Variants in SIRPA observed in about 807,000 individuals in gnomAD.
SIRPA encodes the protein signal regulatory protein alpha.
SIRPA carries 9 observed loss-of-function variants against 50.3 expected under a neutral mutation model. The ratio of observed to expected loss-of-function variants is 0.18; its 90% confidence interval spans 0.11 to 0.31. The LOEUF (loss-of-function observed/expected upper bound fraction) is 0.31. SIRPA is among the 10% of genes least tolerant of loss of function. SIRPA has a pLI of 1.00. For missense variants in SIRPA, 474 were observed against 661.6 expected (o/e 0.72, Z 3.11); for synonymous variants, 265 against 284.1 (o/e 0.93, Z 0.68).
chr20:1,931,936 T>C (rs1986320604), intron 6 of SIRPA, among the ~76,000 whole-genome samples: 1 of 152,226 alleles, frequency 6.6e-6, no homozygotes, highest in Non-Finnish European at 1.5e-5. Context: ...TCCCTGAGTC[T>C]TTCATTTATT....
Position 1,922,655 on chromosome 20 carries a change from C to G in SIRPA, c.1087+10C>G. ...TCAAATACCGCCGCTGGTGAGGCCT[C>G]TATTTCAGCTGACCCAGCTTTTTTA... On this transcript the variant is annotated intron_variant, in intron 4 of 7. Transcript: ENST00000358771. 2.5e-6 allele frequency: 4 copies of G among 1,602,466 alleles called. No individual in the cohort carries two copies. The highest frequency in any genetic ancestry group is 3.4e-6 in the Non-Finnish European group (4 of 1,174,518).
rs1043347696 is a variant in SIRPA, at chr20:1,927,146, G to A, written c.1202-729G>A. Among the ~76,000 whole-genome samples the A allele has an allele frequency of 7.2e-5, 11 of 152,232 alleles. No homozygotes were observed. On this transcript the variant is annotated intron_variant, in intron 5 of 7. Transcript: ENST00000358771. This position sits in a 1 kb window ranked among gnomAD's most constrained non-coding sequence, Gnocchi z 6.5. ...CCAGCAGCAAGAATTCTTGCACTGT[G>A]GCAGCCTCCAGCCTATTAAAGTGCG...
Position 1,924,672 on chromosome 20 carries a change from A to C in SIRPA, c.1088-92A>C. On this transcript the variant is annotated intron_variant, in intron 4 of 7. Coordinates refer to ENST00000358771, the MANE Select transcript of SIRPA (RefSeq NM_001040023.2). The surrounding 1 kb of genome is among the most constrained non-coding windows in gnomAD (Gnocchi z 4.5). ...AGGTCCAGCCAGATGTTCTCAGTTA[A>C]TGATGCCTGCTTAGTGGTGAAAAGC... 9.8e-7 allele frequency: 1 copy of C among 1,018,382 alleles called. No individual in the cohort carries two copies. Among genetic ancestry groups the C allele is most frequent in the East Asian group, 2.5e-5 (1 of 40,678 alleles). 63.1% of individuals were successfully genotyped at this position (1,018,382 alleles called of 1,614,324 possible).
intron 2 of SIRPA, among the ~76,000 whole-genome samples, chr20:1,917,043 C>T (rs114421221): frequency 3.2e-3 from 486 of 152,276 alleles, no homozygotes; most frequent in African/African-American, 0.011. Flanking sequence ...ACAGCAAATA[C>T]GTGGCTCAGG....
At chr20:1,906,687 A>G (rs1391184815) in intron 1 of SIRPA, among the ~76,000 whole-genome samples, 1 of 152,106 alleles carries the variant, frequency 6.6e-6, no homozygotes, top group Non-Finnish European at 1.5e-5. Context: ...TTTTGCACAA[A>G]GGAGGAACGT....
chr20:1,939,675 A>T lies in SIRPA; in HGVS notation c.*2107A>T, dbSNP rs978229424. 2 of 152,588 alleles carry T rather than the reference A, an allele frequency of 1.3e-5. No individual in the cohort carries two copies. Among genetic ancestry groups the T allele is most frequent in the African/African-American group, 4.8e-5 (2 of 41,454 alleles). The allele number at this position is 152,588 out of a possible 1,614,324, so 9.5% of individuals were successfully genotyped here. ...GGGAATAAGGCCAAGGAAGATGTAT[A>T]GCTTTAGCTTTAGCCTGGCAACCTG... On this transcript the variant is annotated 3_prime_UTR_variant, in exon 8 of 8. Coordinates refer to ENST00000358771, the MANE Select transcript of SIRPA (RefSeq NM_001040023.2). This position sits in a 1 kb window ranked among gnomAD's most constrained non-coding sequence, Gnocchi z 4.7.
At chr20:1,918,616 A>G (rs955317418) in intron 2 of SIRPA, among the ~76,000 whole-genome samples, 4 of 151,950 alleles carry the variant, frequency 2.6e-5, no homozygotes, top group African/African-American at 9.7e-5. Flanking sequence ...CAACCTTTCC[A>G]GGATGTTATG....
At chr20:1,923,526 G>A (rs1180034880) in intron 4 of SIRPA, among the ~76,000 whole-genome samples, 1 of 152,232 alleles carries the variant, frequency 6.6e-6, no homozygotes, top group African/African-American at 2.4e-5. Context: ...GATGTGTAGG[G>A]CATCGGCCAA....
Position 1,932,539 on chromosome 20 carries a change from G to A in SIRPA, c.1227-2176G>A, listed in dbSNP as rs1986352379. Among the ~76,000 whole-genome samples, 2 of 152,346 alleles carry A rather than the reference G, an allele frequency of 1.3e-5. No homozygotes were observed. The highest frequency in any genetic ancestry group is 6.5e-5 in the Admixed American group (1 of 15,300). ...GGGATGGAGCCTAGAGCAGTTGGCC[G>A]AGCTGAGCCTTGGAGCTGGTGTCAC... On this transcript the variant is annotated intron_variant, in intron 6 of 7. Transcript: ENST00000358771. This position sits in a 1 kb window ranked among gnomAD's most constrained non-coding sequence, Gnocchi z 6.0.
intron 1 of SIRPA, among the ~76,000 whole-genome samples, chr20:1,908,645 C>T (rs148346933): frequency 2.6e-3 from 394 of 152,306 alleles, no homozygotes; most frequent in African/African-American, 9.1e-3. Context: ...TACACGCATA[C>T]ATGTATGTAC....
chr20:1,900,827 T>C (rs2122977782), intron 1 of SIRPA, among the ~76,000 whole-genome samples: 1 of 152,366 alleles, frequency 6.6e-6, no homozygotes, highest in South Asian at 2.1e-4. Flanking sequence ...ATCTGGGTTC[T>C]CTGCTTCCTG....
chr20:1,899,153 C>A (rs1481111481), intron 1 of SIRPA, among the ~76,000 whole-genome samples: 1 of 151,814 alleles, frequency 6.6e-6, no homozygotes, highest in East Asian at 1.9e-4. Flanking sequence ...CAACACAACT[C>A]AGATCATGTC....
Position 1,937,491 on chromosome 20 carries a change from C to A in SIRPA, c.1438C>A (p.Arg480=). The A allele has an allele frequency of 6.2e-7, 1 of 1,614,128 alleles. No homozygotes were observed. Among genetic ancestry groups the A allele is most frequent in the Non-Finnish European group, 8.5e-7 (1 of 1,180,030 alleles). Reference sequence around the variant, plus strand: ...TGACCTGGACATGGTCCACCTCAACCGGACCCCCAAGCAGCCGGCCCCCAA... The same window carrying A: ...TGACCTGGACATGGTCCACCTCAACAGGACCCCCAAGCAGCCGGCCCCCAA... The part of the protein sequence containing the change: ...YADLDMVHLN[R]TPKQPAPKPE... Residue 480 remains arginine, a synonymous_variant, in exon 8 of 8, where the codon CGG becomes AGG. Transcript: ENST00000358771. The surrounding 1 kb of genome is among the most constrained non-coding windows in gnomAD (Gnocchi z 8.3).
chr20:1,927,251 C>T lies in SIRPA; in HGVS notation c.1202-624C>T, dbSNP rs1986035003. 6.6e-6 allele frequency among the ~76,000 whole-genome samples: 1 copy of T among 152,172 alleles called. No homozygotes were observed. The highest frequency in any genetic ancestry group is 1.9e-4 in the East Asian group (1 of 5,196). On this transcript the variant is annotated intron_variant, in intron 5 of 7. Transcript: ENST00000358771. The surrounding 1 kb of genome is among the most constrained non-coding windows in gnomAD (Gnocchi z 6.5). ...AATGGGAGTCAAACGGCTGCTGAACCCTGGAGGCTTCTCTGTGGGTTACCC... is the reference window on the plus strand; with the variant it reads ...AATGGGAGTCAAACGGCTGCTGAACTCTGGAGGCTTCTCTGTGGGTTACCC...
chr20:1,937,239 T>G lies in SIRPA; in HGVS notation c.1267-81T>G. Reference sequence around the variant, plus strand: ...CGAGAGGACACAGAAGCATCCAGACTTGGTATTCAGTTTGAGTGAGTGGGC... The same window carrying G: ...CGAGAGGACACAGAAGCATCCAGACGTGGTATTCAGTTTGAGTGAGTGGGC... On this transcript the variant is annotated intron_variant, in intron 7 of 7. Coordinates refer to ENST00000358771, the MANE Select transcript of SIRPA (RefSeq NM_001040023.2). The surrounding 1 kb of genome is among the most constrained non-coding windows in gnomAD (Gnocchi z 8.3). 1 of 1,509,888 alleles carries G rather than the reference T, an allele frequency of 6.6e-7. No homozygotes were observed. The highest frequency in any genetic ancestry group is 1.2e-5 in the South Asian group (1 of 80,718). The allele number at this position is 1,509,888 out of a possible 1,614,324, so 93.5% of individuals were successfully genotyped here.
chr20:1,905,752 A>T (rs962152540), intron 1 of SIRPA, among the ~76,000 whole-genome samples: 1 of 152,234 alleles, frequency 6.6e-6, no homozygotes, highest in African/African-American at 2.4e-5. Context: ...ATTCTAAAGG[A>T]TATTTACACA....
rs1986453083 is a variant in SIRPA, at chr20:1,934,307, C to T, written c.1227-408C>T. Among the ~76,000 whole-genome samples, 1 of 152,042 alleles carries T rather than the reference C, an allele frequency of 6.6e-6. No homozygotes were observed. ...AAGCTTTTTCTATATTTTGAATTCC[C>T]CCAAAAAAAAGTGCAATTATGAGTC... is the stretch of plus-strand genomic sequence containing the variant. On this transcript the variant is annotated intron_variant, in intron 6 of 7. Transcript: ENST00000358771. This position sits in a 1 kb window ranked among gnomAD's most constrained non-coding sequence, Gnocchi z 4.6.
chr20:1,909,170 C>A (rs1363534876), intron 1 of SIRPA, among the ~76,000 whole-genome samples: 1 of 152,248 alleles, frequency 6.6e-6, no homozygotes, highest in Non-Finnish European at 1.5e-5. Context: ...GCCAGAGCTC[C>A]AGCCATAGCC....
At chr20:1,913,492 A>T (rs954504409) in intron 1 of SIRPA, among the ~76,000 whole-genome samples, 1 of 152,206 alleles carries the variant, frequency 6.6e-6, no homozygotes, top group African/African-American at 2.4e-5. Context: ...AGCTCTGGAC[A>T]TCTGCCGCAG....
Sources: allele counts gnomAD v4.1 joint callset (sites outside exome capture counted in the v4.1 genomes callset), GRCh38; gene constraint gnomAD v4.1.1; non-coding constraint Gnocchi (gnomAD v3.1); transcripts MANE v1.5; gene names NCBI Gene and HGNC (gene_info 2026-07-23, HGNC 2026-07-21).